MSRA: variants seen among roughly 807,000 people sequenced by gnomAD.
The protein encoded by MSRA is mitochondrial peptide methionine sulfoxide reductase.
A neutral mutation model predicts 31.3 loss-of-function variants in MSRA; 54 were observed. The ratio of observed to expected loss-of-function variants is 1.73; its 90% CI spans 1.39 to 2.17. The LOEUF is 2.17. Among genes scored for constraint, MSRA ranks in the 30% most tolerant of loss-of-function variants. The pLI, the probability that MSRA is intolerant of heterozygous loss-of-function variation, is 0.00. For missense variants in MSRA, 507 were observed against 300.9 expected, an observed-to-expected ratio of 1.69 and a Z score of -5.07; for synonymous variants, 169 against 116.5, an observed-to-expected ratio of 1.45 and a Z score of -2.90.
chr8:10,208,308 T>C (rs767937737), intron 2 of MSRA, among the ~76,000 whole-genome samples: 38 of 152,152 alleles, frequency 2.5e-4, no homozygotes, highest in Non-Finnish European at 5.0e-4. Context: ...AATTGAATGA[T>C]CTCTTCCTTC....
chr8:10,326,729 T>A (rs1222947961), intron 5 of MSRA: 1 of 152,218 alleles, frequency 6.6e-6, no homozygotes, highest in African/African-American at 2.4e-5. Flanking sequence ...TTGGTGGAGT[T>A]ATTTGCTTAT....
intron 1 of MSRA, among the ~76,000 whole-genome samples, chr8:10,147,784 C>A (rs540191679): frequency 6.6e-6 from 1 of 152,206 alleles, no homozygotes; most frequent in Non-Finnish European, 1.5e-5. Flanking sequence ...CTGTGGCACC[C>A]CCCACGTCCC....
At chr8:10,289,593 A>G (rs529863650) in intron 3 of MSRA, among the ~76,000 whole-genome samples, 2 of 152,202 alleles carry the variant, frequency 1.3e-5, no homozygotes, top group Non-Finnish European at 2.9e-5. Context: ...TGTGCTATCA[A>G]ATGGTATGGA....
At chr8:10,115,402 A>G (rs1350354025) in intron 1 of MSRA, among the ~76,000 whole-genome samples, 1 of 152,200 alleles carries the variant, frequency 6.6e-6, no homozygotes, top group African/African-American at 2.4e-5. Flanking sequence ...GGCAGGGGCC[A>G]CTAGAAGCTG....
At chr8:10,289,211 C>T (rs1371514359) in intron 3 of MSRA, among the ~76,000 whole-genome samples, 1 of 151,974 alleles carries the variant, frequency 6.6e-6, no homozygotes, top group African/African-American at 2.4e-5. Context: ...AGACGGATTT[C>T]ACCATGTTGG....
chr8:10,168,378 C>G (rs1422771034), intron 1 of MSRA, among the ~76,000 whole-genome samples: 1 of 152,162 alleles, frequency 6.6e-6, no homozygotes, highest in African/African-American at 2.4e-5. Flanking sequence ...GCTATCATCC[C>G]TGGCCAACTC....
intron 5 of MSRA, among the ~76,000 whole-genome samples, chr8:10,425,413 G>A (rs1455894036): frequency 2.6e-5 from 4 of 152,254 alleles, no homozygotes; most frequent in Non-Finnish European, 5.9e-5. Context: ...CCCCAAGGGG[G>A]TCCCTGGGCC....
intron 2 of MSRA, among the ~76,000 whole-genome samples, chr8:10,233,157 C>G (rs1450222936): frequency 6.6e-6 from 1 of 152,128 alleles, no homozygotes; most frequent in Non-Finnish European, 1.5e-5. Context: ...TGCTTTAGTC[C>G]AGGCCCTCTG....
chr8:10,279,757 CTT>C (rs1259854399), intron 3 of MSRA, among the ~76,000 whole-genome samples: 2 of 152,172 alleles, frequency 1.3e-5, no homozygotes, highest in African/African-American at 4.8e-5. Flanking sequence ...CCATGCTGCT[CTT>C]CTTTTGAGTC....
At chr8:10,142,005 C>G (rs1165379185) in intron 1 of MSRA, among the ~76,000 whole-genome samples, 1 of 152,210 alleles carries the variant, frequency 6.6e-6, no homozygotes, top group Non-Finnish European at 1.5e-5. Flanking sequence ...GTTTCCCAGT[C>G]TGGAGTGCAA....
At chr8:10,332,996 G>C (rs1239821507) in intron 5 of MSRA, among the ~76,000 whole-genome samples, 1 of 152,210 alleles carries the variant, frequency 6.6e-6, no homozygotes, top group Non-Finnish European at 1.5e-5. Flanking sequence ...CTTGCACTGA[G>C]TTCCATCCAA....
At chr8:10,250,013 C>A (rs183437559) in intron 3 of MSRA, among the ~76,000 whole-genome samples, 1 of 152,196 alleles carries the variant, frequency 6.6e-6, no homozygotes, top group Admixed American at 6.5e-5. Context: ...GTAAAGAATA[C>A]TAGTTCCTGT....
chr8:10,074,518 C>T (rs1038225896), intron 1 of MSRA, among the ~76,000 whole-genome samples: 3 of 152,116 alleles, frequency 2.0e-5, no homozygotes, highest in African/African-American at 7.2e-5. Context: ...AGGTAAACCA[C>T]TGTGGTATTG....
intron 1 of MSRA, among the ~76,000 whole-genome samples, chr8:10,144,793 G>A (rs1404467004): frequency 6.6e-6 from 1 of 152,064 alleles, no homozygotes; most frequent in African/African-American, 2.4e-5. Flanking sequence ...CTCACAGCTG[G>A]CTCATCAGAG....
At chr8:10,145,512 G>A (rs1208690614) in intron 1 of MSRA, among the ~76,000 whole-genome samples, 3 of 152,010 alleles carry the variant, frequency 2.0e-5, no homozygotes, top group Admixed American at 6.6e-5. Context: ...TCTACTGCCC[G>A]GCCCTGCAAG....
At chr8:10,182,639 C>T (rs149405503) in intron 1 of MSRA, among the ~76,000 whole-genome samples, 10 of 152,194 alleles carry the variant, frequency 6.6e-5, no homozygotes, top group East Asian at 1.9e-4. Flanking sequence ...TACAAGCATG[C>T]GGTGTGTGAT....
chr8:10,142,370 C>A (rs1188447395), intron 1 of MSRA, among the ~76,000 whole-genome samples: 1 of 152,202 alleles, frequency 6.6e-6, no homozygotes, highest in African/African-American at 2.4e-5. Context: ...ACTGTCTGGA[C>A]TGCGGTCTTA....
chr8:10,070,536 T>G (rs144828181), intron 1 of MSRA, among the ~76,000 whole-genome samples: 256 of 152,342 alleles, frequency 1.7e-3, no homozygotes, highest in African/African-American at 5.9e-3. Context: ...TGGTACATCT[T>G]GCAAAACTAT....
intron 1 of MSRA, among the ~76,000 whole-genome samples, chr8:10,093,186 T>G (rs954392813): frequency 6.6e-6 from 1 of 152,210 alleles, no homozygotes; most frequent in East Asian, 1.9e-4. Flanking sequence ...CATTTAAGTT[T>G]AATGCAATTA....
Sources: allele counts gnomAD v4.1 joint callset (sites outside exome capture counted in the v4.1 genomes callset), GRCh38; gene constraint gnomAD v4.1.1; transcripts MANE v1.5; gene names NCBI Gene and HGNC (gene_info 2026-07-23, HGNC 2026-07-21).